The following MARCHF5 variants were observed in gnomAD, a reference collection of about 807,000 sequenced individuals.
MARCHF5 encodes the protein membrane associated ring-CH-type finger 5.
MARCHF5 carries 5 observed loss-of-function variants against 36.5 expected under a neutral mutation model. That is an observed-to-expected ratio of 0.14 (90% CI 0.07 to 0.29). The LOEUF is 0.29. MARCHF5 is among the 10% of genes least tolerant of loss of function. MARCHF5 has a pLI of 1.00. For synonymous variants in MARCHF5, 103 were observed against 109.9 expected, an observed-to-expected ratio of 0.94 and a Z score of 0.39; for missense variants, 179 against 336.3, an observed-to-expected ratio of 0.53 and a Z score of 3.66.
In MARCHF5 at chr10:92,319,484, C is replaced by T. The variant is rs1412124675; in HGVS notation, c.238+8147C>T. ...CTAATTTTTGTATTTTTAGTAGAGA[C>T]GGGGTTTCACCGTGTTAGCCAGGAT... On this transcript the variant is annotated intron_variant, in intron 2 of 5. Transcript: ENST00000358935. Among the ~76,000 whole-genome samples, 3 of 151,142 alleles carry T rather than the reference C, an allele frequency of 2.0e-5. No homozygotes were observed. The East Asian group carries it at 5.9e-4, about 30-fold the overall frequency.
chr10:92,331,310 A>T (rs913649), intron 2 of MARCHF5, among the ~76,000 whole-genome samples: 1 of 151,734 alleles, frequency 6.6e-6, no homozygotes, highest in Non-Finnish European at 1.5e-5. Flanking sequence ...TTTCTTCTTC[A>T]CTTGGAATTG....
intron 1 of MARCHF5, among the ~76,000 whole-genome samples, chr10:92,307,739 G>C (rs182663031): frequency 6.6e-6 from 1 of 151,906 alleles, no homozygotes. Flanking sequence ...GCTGGGCATG[G>C]TGGCGGGCAC....
At chr10:92,322,965 T>G (rs901222526) in intron 2 of MARCHF5, among the ~76,000 whole-genome samples, 1 of 152,026 alleles carries the variant, frequency 6.6e-6, no homozygotes, top group Non-Finnish European at 1.5e-5. Context: ...CTTGATCTCT[T>G]GACCTCGTGA....
chr10:92,317,712 G>A (rs1843229398), intron 2 of MARCHF5, among the ~76,000 whole-genome samples: 1 of 149,462 alleles, frequency 6.7e-6, no homozygotes, highest in Non-Finnish European at 1.5e-5. Flanking sequence ...TGTCATTGTT[G>A]AACAGAAATA....
chr10:92,295,414 A>ATT (rs1055134691), intron 1 of MARCHF5, among the ~76,000 whole-genome samples: 4 of 107,616 alleles, frequency 3.7e-5, no homozygotes, highest in South Asian at 2.8e-4. Context: ...TTTATTTTTT[A>ATT]TTTTTTTTTT....
intron 1 of MARCHF5, among the ~76,000 whole-genome samples, chr10:92,310,926 T>G (rs113045927): frequency 6.6e-6 from 1 of 152,188 alleles, no homozygotes; most frequent in African/African-American, 2.4e-5. Context: ...AAAACATAAG[T>G]TCTGTAGAGG....
At chr10:92,332,738 C>T (rs1843451873) in intron 2 of MARCHF5, among the ~76,000 whole-genome samples, 1 of 151,820 alleles carries the variant, frequency 6.6e-6, no homozygotes, top group Admixed American at 6.6e-5. Context: ...CCAGGATGGT[C>T]TCAATCTCTT....
At chr10:92,326,847 C>G (rs1381566380) in intron 2 of MARCHF5, among the ~76,000 whole-genome samples, 1 of 151,046 alleles carries the variant, frequency 6.6e-6, no homozygotes, top group Non-Finnish European at 1.5e-5. Context: ...AATGCATTGA[C>G]ACAGTCAAAA....
At chr10:92,315,244 TAAAC>T (rs1843196036) in intron 2 of MARCHF5, among the ~76,000 whole-genome samples, 1 of 152,236 alleles carries the variant, frequency 6.6e-6, no homozygotes, top group African/African-American at 2.4e-5. Context: ...ATGCAGCCAT[TAAAC>T]AAAATACTTA....
intron 3 of MARCHF5, among the ~76,000 whole-genome samples, chr10:92,344,162 C>G (rs999942919): frequency 2.0e-5 from 3 of 152,114 alleles, no homozygotes; most frequent in Non-Finnish European, 4.4e-5. Context: ...CTTGTTAAAA[C>G]ACAAATAAAT....
intron 3 of MARCHF5, among the ~76,000 whole-genome samples, chr10:92,347,986 C>G (rs1843674655): frequency 6.6e-6 from 1 of 151,594 alleles, no homozygotes; most frequent in African/African-American, 2.4e-5. Flanking sequence ...AGTTCGAGAT[C>G]AGCCTGACCA....
Position 92,341,297 on chromosome 10 carries a change from G to T in MARCHF5, c.369+494G>T, listed in dbSNP as rs186204631. 2.6e-5 allele frequency among the ~76,000 whole-genome samples: 4 copies of T among 152,228 alleles called. No homozygotes were observed. The East Asian group carries it at 7.7e-4, about 29-fold the overall frequency. On this transcript the variant is annotated intron_variant, in intron 3 of 5. Transcript: ENST00000358935. Reference sequence around the variant, plus strand: ...AGGTTCCTGTAATCCCAGCTACTCAGGAGGCTGAGGCAGGAGAATTGCTTG... The same window carrying T: ...AGGTTCCTGTAATCCCAGCTACTCATGAGGCTGAGGCAGGAGAATTGCTTG...
intron 2 of MARCHF5, among the ~76,000 whole-genome samples, chr10:92,312,897 G>A (rs1843162338): frequency 6.6e-6 from 1 of 152,216 alleles, no homozygotes; most frequent in African/African-American, 2.4e-5. Flanking sequence ...TTCAGGTTTA[G>A]TGCAGTAATT....
At chr10:92,335,441 A>C (rs916107784) in intron 2 of MARCHF5, among the ~76,000 whole-genome samples, 2 of 152,210 alleles carry the variant, frequency 1.3e-5, no homozygotes, top group African/African-American at 4.8e-5. Context: ...TTATTATTCT[A>C]ATGGTATGCT....
At chr10:92,314,743 CCCCCG>C (rs148501124) in intron 2 of MARCHF5, among the ~76,000 whole-genome samples, 71,869 of 95,278 alleles carry the variant, frequency 0.75, 25,583 homozygotes, top group Middle Eastern at 0.84. Context: ...CTGCTGCTTC[CCCCCG>C]CCCCCCCCCG....
chr10:92,301,552 C>T (rs1344747695), intron 1 of MARCHF5, among the ~76,000 whole-genome samples: 2 of 152,152 alleles, frequency 1.3e-5, no homozygotes, highest in African/African-American at 4.8e-5. Context: ...ATTGTGCTTT[C>T]AGAGTTTATG....
intron 1 of MARCHF5, among the ~76,000 whole-genome samples, chr10:92,305,949 T>C (rs932997086): frequency 6.6e-6 from 1 of 152,112 alleles, no homozygotes; most frequent in African/African-American, 2.4e-5. Context: ...AAAAACTCTT[T>C]AGAGTTTACA....
intron 3 of MARCHF5, 136 bp downstream of exon 3, chr10:92,340,939 A>C: frequency 1.3e-6 from 1 of 777,516 alleles, no homozygotes; most frequent in African/African-American, 1.8e-5. Context: ...TATTTCCCCT[A>C]CTTTTTCTTT....
At chr10:92,328,513 A>G (rs990456015) in intron 2 of MARCHF5, among the ~76,000 whole-genome samples, 1 of 150,978 alleles carries the variant, frequency 6.6e-6, no homozygotes, top group Admixed American at 6.6e-5. Context: ...TATTTGTCCT[A>G]CTTTTTCCTT....
Sources: allele counts gnomAD v4.1 joint callset (sites outside exome capture counted in the v4.1 genomes callset), GRCh38; gene constraint gnomAD v4.1.1; transcripts MANE v1.5; gene names NCBI Gene and HGNC (gene_info 2026-07-23, HGNC 2026-07-21).